IQSEC1: variants seen among roughly 807,000 people sequenced by gnomAD.
The protein encoded by IQSEC1 is IQ motif and Sec7 domain ArfGEF 1.
A neutral mutation model predicts 91.0 loss-of-function variants in IQSEC1; 31 were observed. The observed-to-expected ratio is 0.34, with a 90% confidence interval of 0.26 to 0.46. The LOEUF is 0.46. Among genes scored for constraint, IQSEC1 ranks in the 20% least tolerant of loss-of-function variants. The pLI is 1.00. For missense variants in IQSEC1, 1,388 were observed against 1,575.6 expected, an observed-to-expected ratio of 0.88 and a Z score of 2.02; for synonymous variants, 699 against 662.6, an observed-to-expected ratio of 1.05 and a Z score of -0.84.
chr3:12,962,788 T>C (rs539775714), intron 1 of IQSEC1, among the ~76,000 whole-genome samples: 8 of 151,964 alleles, frequency 5.3e-5, no homozygotes, highest in Non-Finnish European at 1.2e-4. Flanking sequence ...TGCCGGAGAG[T>C]CTGGGGATGC....
chr3:12,899,981 GGA>G lies in IQSEC1; in HGVS notation c.*1000_*1001del, dbSNP rs768937361. The G allele has an allele frequency of 1.2e-4, 123 of 985,242 alleles. No homozygotes were observed. Among genetic ancestry groups the G allele is most frequent in the Non-Finnish European group, 1.4e-4 (117 of 829,904 alleles). 61.0% of individuals were successfully genotyped at this position (985,242 alleles called of 1,614,324 possible). The stretch of plus-strand genomic sequence containing the variant: ...TGCGCATAAAAGAAACATGGATCAT[GGA>G]GAGTCACAGTTATCGCAGCCATTAA... On this transcript the variant is annotated 3_prime_UTR_variant, in exon 14 of 14. Coordinates refer to ENST00000613206, the MANE Select transcript of IQSEC1 (RefSeq NM_001134382.3).
chr3:13,186,968 C>A (rs58066077), intron 1 of IQSEC1, among the ~76,000 whole-genome samples: 1 of 151,650 alleles, frequency 6.6e-6, no homozygotes, highest in South Asian at 2.1e-4. Flanking sequence ...CTCCTTACTT[C>A]CTTCCCTCCC....
At chr3:13,233,323 C>T (rs1009048108) in intron 1 of IQSEC1, among the ~76,000 whole-genome samples, 4 of 152,204 alleles carry the variant, frequency 2.6e-5, no homozygotes, top group Non-Finnish European at 4.4e-5. Flanking sequence ...TGCCACCCTC[C>T]ATCCAGCACT....
chr3:12,978,485 TC>T (rs1701293490), intron 1 of IQSEC1, among the ~76,000 whole-genome samples: 3 of 151,938 alleles, frequency 2.0e-5, no homozygotes, highest in African/African-American at 7.3e-5. Context: ...GATCACATGG[TC>T]AGGAGTTCGA....
chr3:12,904,934 T>A (rs1694811188), intron 12 of IQSEC1, among the ~76,000 whole-genome samples: 1 of 152,180 alleles, frequency 6.6e-6, no homozygotes, highest in Non-Finnish European at 1.5e-5. Context: ...AGGAGTTCCT[T>A]ACTTGGCTGT....
At chr3:13,145,806 G>GC (rs201380374) in intron 2 of IQSEC1, among the ~76,000 whole-genome samples, 1,675 of 67,778 alleles carry the variant, frequency 0.025, 76 homozygotes, top group African/African-American at 0.1. Flanking sequence ...CCCGGGGGCG[G>GC]GGGGGGGGGG....
chr3:13,110,821 C>A (rs1301246055), intron 2 of IQSEC1, among the ~76,000 whole-genome samples: 1 of 152,198 alleles, frequency 6.6e-6, no homozygotes, highest in African/African-American at 2.4e-5. Context: ...TGGAGATTTA[C>A]ACTGGGTGAG....
rs1251257100 is a variant in IQSEC1, at chr3:12,967,668, C to T, written c.24-25803G>A. On this transcript the variant is annotated intron_variant, in intron 1 of 13. Transcript: ENST00000613206. This position sits in a 1 kb window ranked among gnomAD's most constrained non-coding sequence, Gnocchi z 5.9. ...CCGAGCCCCAGGCCAGCCAAGCCCG[C>T]CCCTCCGCCGCCGCCCGCTTGGCGC... 2.5e-6 allele frequency: 3 copies of T among 1,177,836 alleles called. No individual in the cohort carries two copies. Among genetic ancestry groups the T allele is most frequent in the Admixed American group, 4.6e-5 (1 of 21,760 alleles). The allele number at this position is 1,177,836 out of a possible 1,614,324, so 73.0% of individuals were successfully genotyped here.
intron 1 of IQSEC1, among the ~76,000 whole-genome samples, chr3:13,251,590 C>T (rs576080027): frequency 6.6e-6 from 1 of 152,346 alleles, no homozygotes; most frequent in East Asian, 1.9e-4. Context: ...AGTATTTACA[C>T]AGTGGCATCC....
At chr3:13,031,868 G>A (rs1703853597) in intron 1 of IQSEC1, among the ~76,000 whole-genome samples, 2 of 152,134 alleles carry the variant, frequency 1.3e-5, no homozygotes, top group Non-Finnish European at 2.9e-5. Flanking sequence ...GACTAAGAAG[G>A]CGGTGGAGGA....
At chr3:12,921,827 G>C (rs1696658776) in intron 5 of IQSEC1, among the ~76,000 whole-genome samples, 1 of 152,196 alleles carries the variant, frequency 6.6e-6, no homozygotes. Context: ...TGAACAGCCA[G>C]AATCCTAGCA....
rs1694075015 is a variant in IQSEC1 at position 13,193,667 on chromosome 3, GA to G, written c.273-29535del. On this transcript the variant is annotated intron_variant, in intron 1 of 15. Coordinates refer to the IQSEC1 transcript ENST00000648114. The surrounding 1 kb of genome is among the most constrained non-coding windows in gnomAD (Gnocchi z 4.2). ...GGGGTCTAGAACACTTAAGATGCGG[GA>G]AAGAGGCAGTTGGAGACCAAAGGCT... is the stretch of plus-strand genomic sequence containing the variant. 6.6e-6 allele frequency among the ~76,000 whole-genome samples: 1 copy of G among 152,164 alleles called. No individual in the cohort carries two copies. Among genetic ancestry groups the G allele is most frequent in the Non-Finnish European group, 1.5e-5 (1 of 68,032 alleles).
chr3:13,156,229 C>G (rs944364702), intron 2 of IQSEC1, among the ~76,000 whole-genome samples: 4 of 151,584 alleles, frequency 2.6e-5, no homozygotes, highest in Non-Finnish European at 4.4e-5. Context: ...GAGACTCCGT[C>G]CCAAAAAAAT....
chr3:13,219,414 C>T (rs534501881), intron 1 of IQSEC1, among the ~76,000 whole-genome samples: 2 of 152,308 alleles, frequency 1.3e-5, no homozygotes, highest in South Asian at 2.1e-4. Flanking sequence ...CAGGGAGCTC[C>T]CCACATTGGA....
At position 12,924,386 on chromosome 3, in the gene IQSEC1, G is replaced by C. The variant is rs2125208039; in HGVS notation, c.1730+195C>G. On this transcript the variant is annotated intron_variant, in intron 4 of 13. Transcript: ENST00000613206. This position sits in a 1 kb window ranked among gnomAD's most constrained non-coding sequence, Gnocchi z 6.3. ...ATGTGGGATGGTGCATTGGAGGGCA[G>C]GTGCCCACCTGCGTGCTGGGCAGAT... is the stretch of plus-strand genomic sequence containing the variant. 6.6e-6 allele frequency among the ~76,000 whole-genome samples: 1 copy of C among 152,280 alleles called. No homozygotes were observed. The highest frequency in any genetic ancestry group is 1.9e-4 in the East Asian group (1 of 5,188).
chr3:12,941,745 T>C lies in IQSEC1; in HGVS notation c.144A>G (p.Ser48=), dbSNP rs201348176. ...SLSPDHYEHT[S]VGAYGLYSGP... is the part of the protein sequence containing the mutation. ...CCGAGTACAGCCCATAGGCTCCCAC[T>C]GACGTGTGCTCGTAGTGATCCGGGC... is the stretch of plus-strand genomic sequence containing the variant. Residue 48 remains serine (S), a synonymous_variant, in exon 2 of 14, where the codon TCA becomes TCG. Transcript: ENST00000613206. 1.2e-6 allele frequency: 2 copies of C among 1,612,310 alleles called. No individual in the cohort carries two copies. Among genetic ancestry groups the C allele is most frequent in the Admixed American group, 1.7e-5 (1 of 60,010 alleles).
chr3:12,939,938 T>C (rs1267127621), intron 2 of IQSEC1, among the ~76,000 whole-genome samples: 1 of 152,234 alleles, frequency 6.6e-6, no homozygotes, highest in Non-Finnish European at 1.5e-5. Context: ...GGGCCTCGCC[T>C]TGGTCATGGG....
At chr3:13,089,652 G>C (rs1049218600) in intron 2 of IQSEC1, among the ~76,000 whole-genome samples, 3 of 152,170 alleles carry the variant, frequency 2.0e-5, no homozygotes, top group Non-Finnish European at 4.4e-5. Context: ...TTGGAAACAT[G>C]ATGCTAAGTT....
chr3:13,080,760 C>T (rs1294691656), intron 2 of IQSEC1, among the ~76,000 whole-genome samples: 2 of 152,172 alleles, frequency 1.3e-5, no homozygotes, highest in African/African-American at 4.8e-5. Context: ...GGCTGTGCTC[C>T]CCAGCCCCCG....
Sources: gnomAD v4.1 joint callset for allele counts (sites outside exome capture counted in the v4.1 genomes callset) on GRCh38, gnomAD v4.1.1 for gene constraint, Gnocchi (gnomAD v3.1) non-coding constraint, MANE v1.5 for transcripts, NCBI Gene and HGNC (gene_info 2026-07-23, HGNC 2026-07-21) for gene names.